WDR17: variants seen among roughly 807,000 people sequenced by gnomAD.
WDR17 encodes WD repeat domain 17.
In WDR17, 143 loss-of-function variants were observed where a neutral mutation model predicts 161.7. The observed-to-expected ratio is 0.88, with a 90% confidence interval of 0.77 to 1.02. WDR17 has a LOEUF of 1.02. Among genes scored for constraint, WDR17 ranks in the 50% least tolerant of loss-of-function variants. WDR17 has a pLI of 0.00. For missense variants in WDR17, 1,469 were observed against 1,520.9 expected (o/e 0.97, Z 0.57); for synonymous variants, 517 against 515.6 (o/e 1.00, Z -0.04).
chr4:176,140,043 C>G, intron 10 of WDR17, 69 bp downstream of exon 10: 1 of 1,325,212 alleles, frequency 7.5e-7, no homozygotes, highest in Non-Finnish European at 1.1e-6. Context: ...ATCATTCCAA[C>G]TGTGTATCCA....
At chr4:176,147,999 G>T (rs943858003) in intron 12 of WDR17, 134 bp from the exon 13 acceptor site, 1 of 555,606 alleles carries the variant, frequency 1.8e-6, no homozygotes, top group African/African-American at 1.9e-5. Context: ...AAAATGAAGA[G>T]AACCTTATAT....
At chr4:176,130,032 T>C (rs1743102212) in intron 6 of WDR17, among the ~76,000 whole-genome samples, 1 of 152,160 alleles carries the variant, frequency 6.6e-6, no homozygotes, top group African/African-American at 2.4e-5. Context: ...AAGAATAACA[T>C]ACCAGTCTTG....
chr4:176,131,028 A>G (rs1400401107), intron 6 of WDR17, among the ~76,000 whole-genome samples: 1 of 152,198 alleles, frequency 6.6e-6, no homozygotes, highest in Non-Finnish European at 1.5e-5. Flanking sequence ...AGGAAGAAAG[A>G]AAATTGAGAT....
chr4:176,126,908 G>A (rs1419118417), intron 5 of WDR17, among the ~76,000 whole-genome samples: 1 of 152,148 alleles, frequency 6.6e-6, no homozygotes, highest in Non-Finnish European at 1.5e-5. Context: ...CTGTGAAGAA[G>A]GTGCCTGCTT....
At chr4:176,157,823 C>G (rs1373132500) in intron 18 of WDR17, among the ~76,000 whole-genome samples, 2 of 152,026 alleles carry the variant, frequency 1.3e-5, no homozygotes, top group African/African-American at 4.8e-5. Context: ...GTGGTGTATC[C>G]TCAGATAAAT....
intron 1 of WDR17, among the ~76,000 whole-genome samples, chr4:176,078,185 G>T (rs1395470770): frequency 1.3e-5 from 2 of 151,914 alleles, no homozygotes; most frequent in Non-Finnish European, 2.9e-5. Context: ...CCTACTAATG[G>T]ATAGTGGATT....
intron 1 of WDR17, among the ~76,000 whole-genome samples, chr4:176,101,297 T>C (rs1737790113): frequency 1.3e-5 from 2 of 152,116 alleles, no homozygotes; most frequent in Admixed American, 1.3e-4. Context: ...TGAGACCTAA[T>C]CATAGGACTT....
In WDR17 at chr4:176,177,489, G is replaced by T. The variant is rs573682697; in HGVS notation, c.3567G>T (p.Pro1189=). The change falls in exon 28 of 29, where the codon CCG becomes CCT. Residue 1189 remains proline (P), a synonymous_variant. Transcript: ENST00000508596. ...AATATAGATCATTAGAAGACTCTCC[G>T]TATACACCCCCTTCTGATTCACAAA... The part of the protein sequence containing the change: ...QSTNRSLEDS[P]YTPPSDSQRM... 1 of 1,570,972 alleles carries T rather than the reference G, an allele frequency of 6.4e-7. No homozygotes were observed. Among genetic ancestry groups the T allele is most frequent in the Non-Finnish European group, 8.6e-7 (1 of 1,167,362 alleles).
intron 1 of WDR17, among the ~76,000 whole-genome samples, chr4:176,084,397 A>G (rs529474153): frequency 6.6e-6 from 1 of 151,950 alleles, no homozygotes; most frequent in East Asian, 1.9e-4. Context: ...TAGAGTGAGA[A>G]CTCACCCTTT....
chr4:176,110,762 G>A (rs540292870), intron 1 of WDR17, among the ~76,000 whole-genome samples: 41 of 152,210 alleles, frequency 2.7e-4, no homozygotes, highest in Non-Finnish European at 4.3e-4. Flanking sequence ...TTTTAGATAC[G>A]AGAAATAGAG....
intron 11 of WDR17, among the ~76,000 whole-genome samples, chr4:176,143,499 T>TA (rs10646644): frequency 0.099 from 13,524 of 137,072 alleles, 693 homozygotes; most frequent in Non-Finnish European, 0.11. Flanking sequence ...CTTCGTCTCT[T>TA]AAAAAAAAAA....
chr4:176,128,980 C>A, intron 6 of WDR17, 120 bp downstream of exon 6: 1 of 879,416 alleles, frequency 1.1e-6, no homozygotes, highest in Non-Finnish European at 1.6e-6. Flanking sequence ...TTAAAAAAGG[C>A]TTTGACAATA....
chr4:176,115,938 T>C lies in WDR17; in HGVS notation c.266T>C (p.Val89Ala), dbSNP rs1451728632. 6.2e-7 allele frequency: 1 copy of C among 1,609,936 alleles called. No individual in the cohort carries two copies. Among genetic ancestry groups the C allele is most frequent in the Admixed American group, 1.7e-5 (1 of 59,500 alleles). ...STDNLVIIWN[V>A]AEQKVIAKLD... ...GATAATTTAGTGATCATTTGGAATG[T>C]TGCAGAACAAAAAGTCATTGCTAAA... is the stretch of plus-strand genomic sequence containing the variant. Residue 89 changes from valine (V) to alanine (A), a missense_variant, in exon 3 of 29, where the codon GTT becomes GCT. By Grantham distance (64) the Val-to-Ala change is moderately conservative (BLOSUM62 0). Transcript: ENST00000508596.
At chr4:176,069,432 A>G (rs1578966402) in intron 1 of WDR17, among the ~76,000 whole-genome samples, 2 of 152,214 alleles carry the variant, frequency 1.3e-5, no homozygotes, top group Non-Finnish European at 2.9e-5. Flanking sequence ...TAATTTAACA[A>G]TGTTATTTGC....
At chr4:176,124,728 C>T (rs1742170451) in intron 4 of WDR17, among the ~76,000 whole-genome samples, 1 of 152,178 alleles carries the variant, frequency 6.6e-6, no homozygotes, top group South Asian at 2.1e-4. Flanking sequence ...TTTTAAATCA[C>T]TATATGATAT....
rs72706351 is a variant in WDR17, at chr4:176,158,280, G to A, written c.2526-1714G>A. Among the ~76,000 whole-genome samples, 1,161 of 152,286 alleles carry A rather than the reference G, an allele frequency of 7.6e-3. 13 individuals are homozygous for A. The highest frequency in any genetic ancestry group is 0.027 in the Middle Eastern group (8 of 294). On this transcript the variant is annotated intron_variant, in intron 18 of 28. Transcript: ENST00000508596. ...AGCTGAGTCAAGAGACAGCAGTAGC[G>A]TGGACGCCATATGTAGTGATGTGGG...
chr4:176,163,115 T>C, intron 21 of WDR17, 39 bp from the exon 22 acceptor site: 2 of 1,613,878 alleles, frequency 1.2e-6, no homozygotes, highest in Non-Finnish European at 1.7e-6. Context: ...CCTACCCAGC[T>C]TCTATGCAAC....
At chr4:176,076,320 A>G (rs1398366586) in intron 1 of WDR17, among the ~76,000 whole-genome samples, 1 of 143,674 alleles carries the variant, frequency 7.0e-6, no homozygotes, top group Non-Finnish European at 1.5e-5. Flanking sequence ...ATATTTAAGC[A>G]AAATATGTAT....
At chr4:176,079,069 C>T (rs559793607) in intron 1 of WDR17, among the ~76,000 whole-genome samples, 18 of 152,232 alleles carry the variant, frequency 1.2e-4, no homozygotes, top group Non-Finnish European at 2.5e-4. Context: ...GCATTCTACT[C>T]TTTAGTTGTA....
Sources: allele counts gnomAD v4.1 joint callset (sites outside exome capture counted in the v4.1 genomes callset), GRCh38; gene constraint gnomAD v4.1.1; transcripts MANE v1.5; gene names NCBI Gene and HGNC (gene_info 2026-07-23, HGNC 2026-07-21).